ARHGAP32: variants seen among roughly 807,000 people sequenced by gnomAD.
The protein encoded by ARHGAP32 is Rho GTPase activating protein 32, also known as rho GTPase-activating protein 32.
ARHGAP32 carries 51 observed loss-of-function variants against 186.5 expected under a neutral mutation model. That is an observed-to-expected ratio of 0.27 (90% CI 0.22 to 0.35). The LOEUF is 0.35. ARHGAP32 is among the 10% of genes least tolerant of loss of function. ARHGAP32 has a pLI of 1.00. For synonymous variants in ARHGAP32, 950 were observed against 964.3 expected, an observed-to-expected ratio of 0.99 and a Z score of 0.27; for missense variants, 2,186 against 2,623.5, an observed-to-expected ratio of 0.83 and a Z score of 3.64.
intron 2 of ARHGAP32, among the ~76,000 whole-genome samples, chr11:129,147,613 A>T (rs1203411202): frequency 8.5e-5 from 13 of 152,230 alleles, no homozygotes; most frequent in Admixed American, 8.5e-4. Context: ...AATACAGATC[A>T]TTCCTATCCA....
intron 17 of ARHGAP32, 103 bp from the exon 18 acceptor site, chr11:128,980,851 T>A: frequency 1.1e-6 from 1 of 931,344 alleles, no homozygotes; most frequent in South Asian, 2.0e-5. Flanking sequence ...TTGTTTCAAA[T>A]TTTCTTCAAG....
chr11:129,019,258 T>A (rs1402871090), intron 11 of ARHGAP32, among the ~76,000 whole-genome samples: 2 of 151,794 alleles, frequency 1.3e-5, no homozygotes, highest in Non-Finnish European at 2.9e-5. Context: ...ACCCAGATAG[T>A]CAACAAAAAT....
chr11:129,154,150 C>A (rs1943350886), intron 2 of ARHGAP32, among the ~76,000 whole-genome samples: 1 of 152,092 alleles, frequency 6.6e-6, no homozygotes, highest in Non-Finnish European at 1.5e-5. Context: ...TACTAATTAT[C>A]AGGGAAATAC....
chr11:129,164,316 T>C lies in ARHGAP32; in HGVS notation c.225+3A>G. The C allele has an allele frequency of 6.6e-7, 1 of 1,504,346 alleles. No homozygotes were observed. The highest frequency in any genetic ancestry group is 9.1e-7 in the Non-Finnish European group (1 of 1,104,466). The allele number at this position is 1,504,346 out of a possible 1,614,324, so 93.2% of individuals were successfully genotyped here. On this transcript the variant is annotated splice_donor_region_variant and intron_variant, in intron 2 of 22. Coordinates refer to ENST00000682385, the MANE Select transcript of ARHGAP32 (RefSeq NM_001378024.1). ...TATGAACAATTGTATAAAACTGATT[T>C]ACCATTGCGCTAAGAGTTTCTTCCC... is the stretch of plus-strand genomic sequence containing the variant.
At chr11:129,158,398 A>C (rs80239094) in intron 2 of ARHGAP32, among the ~76,000 whole-genome samples, 1 of 146,564 alleles carries the variant, frequency 6.8e-6, no homozygotes, top group Non-Finnish European at 1.5e-5. Flanking sequence ...ATGGAAGGCA[A>C]AAAAAAAAAA....
intron 19 of ARHGAP32, among the ~76,000 whole-genome samples, chr11:128,977,363 C>T (rs1945575293): frequency 1.3e-5 from 2 of 152,282 alleles, no homozygotes; most frequent in South Asian, 4.1e-4. Context: ...TTCTTTTTAA[C>T]CCCCTCCTCC....
intron 1 of ARHGAP32, among the ~76,000 whole-genome samples, chr11:129,202,433 T>G (rs943550754): frequency 8.6e-5 from 13 of 152,002 alleles, no homozygotes; most frequent in Non-Finnish European, 1.8e-4. Flanking sequence ...ATAGGAAATA[T>G]AAGTTCAAAA....
At position 129,092,049 on chromosome 11, in the gene ARHGAP32, T is replaced by C. The variant is rs560184832; in HGVS notation, c.531+1572A>G. ...TACTACTTTGATATAACAAATGGTA[T>C]ACCAAGTAGTATGAAATTTTTTAAG... On this transcript the variant is annotated intron_variant, in intron 6 of 22. Transcript: ENST00000682385. 2.0e-5 allele frequency among the ~76,000 whole-genome samples: 3 copies of C among 152,150 alleles called. No homozygotes were observed. In the East Asian group the frequency reaches 5.8e-4, roughly 29 times the overall value.
chr11:129,251,834 C>T (rs1221916053), intron 1 of ARHGAP32, among the ~76,000 whole-genome samples: 1 of 150,580 alleles, frequency 6.6e-6, no homozygotes, highest in East Asian at 2.0e-4. Context: ...CTCGGGGAGG[C>T]TGATGCAGGA....
chr11:129,169,654 A>C (rs1330764682), intron 1 of ARHGAP32, among the ~76,000 whole-genome samples: 5 of 145,618 alleles, frequency 3.4e-5, no homozygotes, highest in Non-Finnish European at 7.6e-5. Context: ...AAAAAAAAAA[A>C]AGATTGTGAG....
At chr11:129,238,145 G>A (rs913388150) in intron 1 of ARHGAP32, among the ~76,000 whole-genome samples, 1 of 152,130 alleles carries the variant, frequency 6.6e-6, no homozygotes, top group Non-Finnish European at 1.5e-5. Context: ...TTCTAAGCTT[G>A]AGTGAAATTA....
At chr11:129,243,602 T>C (rs1945049185) in intron 1 of ARHGAP32, among the ~76,000 whole-genome samples, 1 of 152,186 alleles carries the variant, frequency 6.6e-6, no homozygotes, top group Non-Finnish European at 1.5e-5. Context: ...TTTACCAATG[T>C]CACATGAATA....
intron 2 of ARHGAP32, among the ~76,000 whole-genome samples, chr11:129,126,843 T>C (rs75402244): frequency 6.6e-6 from 1 of 152,158 alleles, no homozygotes; most frequent in Admixed American, 6.5e-5. Flanking sequence ...GGTTTTGCCA[T>C]TAAAAAAAAG....
At chr11:129,278,893 C>T (rs1165664800) in intron 1 of ARHGAP32, among the ~76,000 whole-genome samples, 2 of 149,420 alleles carry the variant, frequency 1.3e-5, no homozygotes, top group Admixed American at 1.3e-4. Flanking sequence ...GAACGCCCGG[C>T]TCGCGGAGGC....
At position 128,970,895 on chromosome 11, in the gene ARHGAP32, C is replaced by A; in HGVS notation, c.4318G>T (p.Ala1440Ser). Residue 1440 changes from alanine to serine, a missense_variant, in exon 23 of 23, where the codon GCC (alanine) becomes TCC (serine). This residue lies in a region of ARHGAP32 where 1,502 missense variants were observed against 1,570.0 expected (regional missense o/e 0.96). Transcript: ENST00000682385. The surrounding 1 kb of genome is among the most constrained non-coding windows in gnomAD (Gnocchi z 5.8). ...GCATCTGCACTGCTGGAGTGTATGG[C>A]AGCAATCATCTTACTCTCCATCATC... Reference protein sequence around the residue: ...TRMMESKMIAAIHSSSADATS... With the variant: ...TRMMESKMIASIHSSSADATS... 2 of 1,614,188 alleles carry A rather than the reference C, an allele frequency of 1.2e-6. No individual in the cohort carries two copies. Among genetic ancestry groups the A allele is most frequent in the Non-Finnish European group, 1.7e-6 (2 of 1,180,036 alleles).
At chr11:129,201,875 C>T (rs1406628568) in intron 1 of ARHGAP32, among the ~76,000 whole-genome samples, 1 of 152,066 alleles carries the variant, frequency 6.6e-6, no homozygotes, top group Admixed American at 6.5e-5. Context: ...CCCAGCTACT[C>T]AGGAAGCTGA....
intron 1 of ARHGAP32, among the ~76,000 whole-genome samples, chr11:129,221,477 T>C (rs1030030898): frequency 5.9e-5 from 8 of 135,042 alleles, no homozygotes; most frequent in Non-Finnish European, 1.1e-4. Context: ...TAATTGTCAT[T>C]ACTGTGTGTG....
chr11:129,214,017 C>G (rs1430113145), intron 1 of ARHGAP32, among the ~76,000 whole-genome samples: 1 of 151,730 alleles, frequency 6.6e-6, no homozygotes, highest in Non-Finnish European at 1.5e-5. Flanking sequence ...TAACTCCAGT[C>G]TAACCATGAG....
chr11:129,101,423 A>G (rs1393342847), intron 5 of ARHGAP32, among the ~76,000 whole-genome samples: 1 of 152,210 alleles, frequency 6.6e-6, no homozygotes, highest in African/African-American at 2.4e-5. Flanking sequence ...ACAGGAGTAC[A>G]CTAAAACCCA....
Sources: allele counts gnomAD v4.1 joint callset (sites outside exome capture counted in the v4.1 genomes callset), GRCh38; gene constraint gnomAD v4.1.1; regional missense constraint gnomAD v4.1.1; non-coding constraint Gnocchi (gnomAD v3.1); transcripts MANE v1.5; gene names NCBI Gene and HGNC (gene_info 2026-07-23, HGNC 2026-07-21).